TOGARAM1: variants seen among roughly 807,000 people sequenced by gnomAD.
TOGARAM1 encodes TOG array regulator of axonemal microtubules protein 1.
In TOGARAM1, 100 loss-of-function variants were observed where a neutral mutation model predicts 166.6. That is an observed-to-expected ratio of 0.60 (90% CI 0.51 to 0.71). TOGARAM1 has a LOEUF of 0.71. Ranked by LOEUF, TOGARAM1 falls within the 30% of genes least tolerant of loss-of-function variation. The probability of loss-of-function intolerance (pLI) is 0.00; values close to 1 mark genes in which losing one functional copy is unlikely to be tolerated. For missense variants in TOGARAM1, 2,029 were observed against 2,102.7 expected (o/e 0.96, Z 0.69); for synonymous variants, 758 against 763.8 (o/e 0.99, Z 0.13).
In TOGARAM1 at chr14:44,963,341, A is replaced by G; in HGVS notation, c.920A>G (p.Tyr307Cys). Residue 307 changes from tyrosine to cysteine, a missense_variant, in exon 1 of 20, where the codon TAC (tyrosine) becomes TGC (cysteine). Transcript: ENST00000361462. ...CTGCCCTCTGCCCTGAGGAGACACT[A>G]CAATCGCCGCCTGGAGTCCCAGTTT... ...SRLPSALRRHYNRRLESQFGS... is the reference protein window; with the variant it reads ...SRLPSALRRHCNRRLESQFGS... 2 of 1,614,166 alleles carry G rather than the reference A, an allele frequency of 1.2e-6. No individual in the cohort carries two copies. Among genetic ancestry groups the G allele is most frequent in the South Asian group, 1.1e-5 (1 of 91,070 alleles).
intron 3 of TOGARAM1, 110 bp from the exon 4 acceptor site, chr14:45,003,951 T>A: frequency 1.3e-6 from 1 of 773,158 alleles, no homozygotes; most frequent in Non-Finnish European, 2.0e-6. Context: ...TACAAAAATA[T>A]ACATGCCAAT....
rs1239153558 is a variant in TOGARAM1, at chr14:44,995,217, TG to T, written c.2047-527del. Among the ~76,000 whole-genome samples the T allele has an allele frequency of 2.6e-5, 4 of 152,360 alleles. No individual in the cohort carries two copies. In the East Asian group the frequency reaches 7.7e-4, roughly 29 times the overall value. On this transcript the variant is annotated intron_variant, in intron 1 of 19. Transcript: ENST00000361462. ...TATACATATATAAAGTATTATTTAC[TG>T]GTTTTAACTAAGAGACCTAGTGTAA...
intron 12 of TOGARAM1, 115 bp from the exon 13 acceptor site, chr14:45,044,520 G>A (rs181555221): frequency 2.1e-5 from 15 of 716,804 alleles, no homozygotes; most frequent in East Asian, 1.6e-4. Context: ...CAGCCTGGTC[G>A]ACAGAGCGAG....
chr14:44,987,196 C>T (rs1886867046), intron 1 of TOGARAM1, among the ~76,000 whole-genome samples: 1 of 151,694 alleles, frequency 6.6e-6, no homozygotes. Flanking sequence ...GCCTCGGCCT[C>T]CCAAAGTGCT....
Position 45,060,522 on chromosome 14 carries a change from G to A in TOGARAM1, c.4559+5973G>A, listed in dbSNP as rs1403256528. ...TGAGCCACCACACCCAGCCAGAAAT[G>A]CAAAATGTTATTCTCCTTCCAGACC... On this transcript the variant is annotated intron_variant, in intron 16 of 19. Coordinates refer to ENST00000361462, the MANE Select transcript of TOGARAM1 (RefSeq NM_001308120.2). Among the ~76,000 whole-genome samples the A allele has an allele frequency of 3.3e-5, 5 of 152,040 alleles. No homozygotes were observed. The East Asian group carries it at 9.6e-4, about 29-fold the overall frequency.
Position 45,006,047 on chromosome 14 carries a change from C to A in TOGARAM1, c.2684C>A (p.Pro895His), listed in dbSNP as rs771915493. 1 of 1,603,066 alleles carries A rather than the reference C, an allele frequency of 6.2e-7. No individual in the cohort carries two copies. Among genetic ancestry groups the A allele is most frequent in the Non-Finnish European group, 8.5e-7 (1 of 1,174,112 alleles). Residue 895 changes from proline to histidine, a missense_variant, in exon 5 of 20, where the codon CCT becomes CAT. Coordinates refer to ENST00000361462, the MANE Select transcript of TOGARAM1 (RefSeq NM_001308120.2). ...GAAAAACCTCCAGTTCAGCTTACAC[C>A]TGCCTTGGTGAGATCGCCATCTTCC... ...SQEKPPVQLT[P>H]ALVRSPSSRR...
At chr14:44,995,687 A>C (rs1048373149) in intron 1 of TOGARAM1, 59 bp from the exon 2 acceptor site, 48 of 1,215,694 alleles carry the variant, frequency 3.9e-5, no homozygotes, top group Non-Finnish European at 5.2e-5. Context: ...TTATTTTGTC[A>C]TATTTATTAC....
chr14:45,046,584 T>G lies in TOGARAM1; in HGVS notation c.4194T>G (p.His1398Gln). ...CTGTAAGAAGGTGTACAGCCCAGCA[T>G]TTATCAGATGTATTGGAATTTATGG... ...HIAVRRCTAQ[H>Q]LSDVLEFMEP... Residue 1398 changes from histidine to glutamine, a missense_variant, in exon 14 of 20, where the codon CAT (histidine) becomes CAG (glutamine). By Grantham distance (24) the His-to-Gln change is conservative. Transcript: ENST00000361462. 1.4e-6 allele frequency: 2 copies of G among 1,392,664 alleles called. No homozygotes were observed. The highest frequency in any genetic ancestry group is 1.9e-5 in the South Asian group (1 of 53,914). The allele number at this position is 1,392,664 out of a possible 1,614,324, so 86.3% of individuals were successfully genotyped here.
At chr14:45,006,345 A>C (rs1427290447) in intron 5 of TOGARAM1, 78 bp downstream of exon 5, 1 of 1,050,992 alleles carries the variant, frequency 9.5e-7, no homozygotes, top group African/African-American at 1.6e-5. Context: ...GGAAAAATCA[A>C]GTTCTTTTTA....
chr14:45,030,680 T>C (rs1173932461), intron 10 of TOGARAM1, among the ~76,000 whole-genome samples: 1 of 152,192 alleles, frequency 6.6e-6, no homozygotes, highest in East Asian at 1.9e-4. Context: ...AAACTGGTAC[T>C]GATTTATCAC....
At chr14:45,062,512 T>C (rs1350369951) in intron 16 of TOGARAM1, among the ~76,000 whole-genome samples, 1 of 152,194 alleles carries the variant, frequency 6.6e-6, no homozygotes, top group East Asian at 1.9e-4. Flanking sequence ...ATAATTCATC[T>C]ATTTAAGACA....
At chr14:44,992,863 T>C (rs998047547) in intron 1 of TOGARAM1, among the ~76,000 whole-genome samples, 2 of 151,482 alleles carry the variant, frequency 1.3e-5, no homozygotes, top group African/African-American at 4.8e-5. Flanking sequence ...GTGATCTGCC[T>C]GCCTGGGCCT....
chr14:45,013,069 C>G (rs1879907338), intron 7 of TOGARAM1, among the ~76,000 whole-genome samples: 1 of 152,214 alleles, frequency 6.6e-6, no homozygotes, highest in Admixed American at 6.5e-5. Flanking sequence ...TCACTGCCCT[C>G]TTTGTATCTT....
chr14:45,036,937 C>A (rs1566653068), intron 11 of TOGARAM1, among the ~76,000 whole-genome samples: 1 of 152,164 alleles, frequency 6.6e-6, no homozygotes, highest in Non-Finnish European at 1.5e-5. Context: ...ACAAAAGGCA[C>A]TTCTTATATG....
At position 44,962,240 on chromosome 14, in the gene TOGARAM1, G is replaced by C; in HGVS notation, c.-182G>C. Reference sequence around the variant, plus strand: ...TGGCAGCTGTGGGGTCTAGGGCTCAGACGGGGGCCATTTTGCCAGAGGCTG... The same window carrying C: ...TGGCAGCTGTGGGGTCTAGGGCTCACACGGGGGCCATTTTGCCAGAGGCTG... On this transcript the variant is annotated 5_prime_UTR_variant, in exon 1 of 20. Coordinates refer to ENST00000361462, the MANE Select transcript of TOGARAM1 (RefSeq NM_001308120.2). 1.5e-6 allele frequency: 1 copy of C among 653,002 alleles called. No individual in the cohort carries two copies. Among genetic ancestry groups the C allele is most frequent in the Admixed American group, 3.4e-5 (1 of 29,386 alleles). The allele number at this position is 653,002 out of a possible 1,614,324, so 40.5% of individuals were successfully genotyped here.
Position 44,964,375 on chromosome 14 carries a change from G to T in TOGARAM1, c.1954G>T (p.Ala652Ser). ...TATCTGTACCCGAAGGGTATTAAGT[G>T]CAGGAAAAGGAAAAAATAAATTACC... ...PTICTRRVLS[A>S]GKGKNKLPWE... Residue 652 changes from alanine to serine, a missense_variant, in exon 1 of 20, where the codon GCA becomes TCA. Around this residue, in one of 2 missense-constraint regions of TOGARAM1, gnomAD observed 1,453 missense variants for 1,432.2 expected, o/e 1.01. Transcript: ENST00000361462. The T allele has an allele frequency of 6.2e-7, 1 of 1,613,528 alleles. No homozygotes were observed.
chr14:45,069,983 C>T (rs1383864016), intron 18 of TOGARAM1, among the ~76,000 whole-genome samples: 2 of 152,058 alleles, frequency 1.3e-5, no homozygotes, highest in Non-Finnish European at 2.9e-5. Context: ...GAGATCGAGA[C>T]CATCCTGGCT....
Position 44,962,416 on chromosome 14 carries a change from C to G in TOGARAM1, c.-6C>G. ...TCTTCCAACCACCACCACCTGACAACCCTGCATGGCGGCTGCCCCCTCCGC... is the reference window on the plus strand; with the variant it reads ...TCTTCCAACCACCACCACCTGACAAGCCTGCATGGCGGCTGCCCCCTCCGC... On this transcript the variant is annotated 5_prime_UTR_variant, in exon 1 of 20. Coordinates refer to ENST00000361462, the MANE Select transcript of TOGARAM1 (RefSeq NM_001308120.2). 1 of 1,547,614 alleles carries G rather than the reference C, an allele frequency of 6.5e-7. No homozygotes were observed. The highest frequency in any genetic ancestry group is 2.3e-5 in the East Asian group (1 of 44,384).
At chr14:45,019,683 T>G (rs1387112285) in intron 7 of TOGARAM1, among the ~76,000 whole-genome samples, 1 of 152,216 alleles carries the variant, frequency 6.6e-6, no homozygotes, top group East Asian at 1.9e-4. Context: ...GTGAGCTCTC[T>G]TTACTACCTG....
Sources: gnomAD v4.1 joint callset for allele counts (sites outside exome capture counted in the v4.1 genomes callset) on GRCh38, gnomAD v4.1.1 for gene constraint, gnomAD v4.1.1 regional missense constraint, MANE v1.5 for transcripts, NCBI Gene and HGNC (gene_info 2026-07-23, HGNC 2026-07-21) for gene names.